SCAPER: variants seen among roughly 807,000 people sequenced by gnomAD.
The protein encoded by SCAPER is S-phase cyclin A associated protein in the ER.
A neutral mutation model predicts 182.2 loss-of-function variants in SCAPER; 98 were observed. The observed-to-expected ratio is 0.54, with a 90% CI of 0.46 to 0.64. The LOEUF (loss-of-function observed/expected upper bound fraction) is 0.64, where lower values mean the gene tolerates loss of function less well. Among genes scored for constraint, SCAPER ranks in the 30% least tolerant of loss-of-function variants. The pLI, the probability that SCAPER is intolerant of heterozygous loss-of-function variation, is 0.00. For synonymous variants in SCAPER, 605 were observed against 564.6 expected (o/e 1.07, Z -1.01); for missense variants, 1,432 against 1,690.0 (o/e 0.85, Z 2.68).
At chr15:76,865,034 A>G (rs2072166112) in intron 2 of SCAPER, among the ~76,000 whole-genome samples, 1 of 152,184 alleles carries the variant, frequency 6.6e-6, no homozygotes, top group South Asian at 2.1e-4. Flanking sequence ...TCACTATACT[A>G]TAACTAACAA....
At chr15:76,568,493 T>C (rs533772918) in intron 23 of SCAPER, among the ~76,000 whole-genome samples, 3 of 152,050 alleles carry the variant, frequency 2.0e-5, no homozygotes, top group African/African-American at 7.2e-5. Flanking sequence ...GTAGCTGTGA[T>C]TACAGGTGCC....
chr15:76,855,234 T>A (rs2066547863), intron 4 of SCAPER, among the ~76,000 whole-genome samples: 1 of 152,146 alleles, frequency 6.6e-6, no homozygotes, highest in South Asian at 2.1e-4. Context: ...TGCAGAAGAC[T>A]GAAACTAGTT....
chr15:76,713,221 C>T (rs537129664), intron 17 of SCAPER, among the ~76,000 whole-genome samples: 229 of 152,020 alleles, frequency 1.5e-3, no homozygotes, highest in African/African-American at 5.0e-3. Flanking sequence ...GTCAGTGTGG[C>T]GATTCCTCAG....
At chr15:76,366,110 C>T (rs906287885) in intron 29 of SCAPER, among the ~76,000 whole-genome samples, 1 of 110,734 alleles carries the variant, frequency 9.0e-6, no homozygotes, top group Non-Finnish European at 2.2e-5. Context: ...CACACACACA[C>T]ACACACACAC....
chr15:76,414,217 G>A (rs983404948), intron 26 of SCAPER, among the ~76,000 whole-genome samples: 3 of 152,088 alleles, frequency 2.0e-5, no homozygotes, highest in African/African-American at 7.2e-5. Flanking sequence ...GAGAGAGTTT[G>A]TGTATGATTG....
chr15:76,860,469 C>T (rs1302300379), intron 3 of SCAPER, among the ~76,000 whole-genome samples: 1 of 152,066 alleles, frequency 6.6e-6, no homozygotes, highest in Admixed American at 6.6e-5. Flanking sequence ...CAGGGGAAGA[C>T]AGGTCCAAGC....
In SCAPER at chr15:76,608,825, G is replaced by T. The variant is rs550891498; in HGVS notation, c.2711+12939C>A. On this transcript the variant is annotated intron_variant, in intron 22 of 31. Transcript: ENST00000563290. ...CGTTGGGGTAGGACCCTCTGAGCCA[G>T]GTGAGGGATATAATCTCCTGGTGTG... 8.5e-5 allele frequency among the ~76,000 whole-genome samples: 13 copies of T among 152,342 alleles called. No individual in the cohort carries two copies. The South Asian group carries it at 1.2e-3, about 15-fold the overall frequency.
intron 5 of SCAPER, among the ~76,000 whole-genome samples, chr15:76,823,953 C>T (rs1325616331): frequency 2.0e-5 from 3 of 151,532 alleles, no homozygotes; most frequent in Admixed American, 1.3e-4. Context: ...ATATAAGCCG[C>T]TATACTTCAG....
intron 5 of SCAPER, among the ~76,000 whole-genome samples, chr15:76,811,758 A>G (rs2066639763): frequency 6.6e-6 from 1 of 152,128 alleles, no homozygotes; most frequent in South Asian, 2.1e-4. Flanking sequence ...ATTGCACTCC[A>G]GCCTGGGCAA....
At chr15:76,489,014 C>T (rs115515125) in intron 24 of SCAPER, among the ~76,000 whole-genome samples, 1,700 of 150,930 alleles carry the variant, frequency 0.011, 40 homozygotes, top group African/African-American at 0.038. Flanking sequence ...TGAGCCACTG[C>T]GCCCAGCCAT....
chr15:76,586,261 AGATTGTTCTTTAGCATAATG>A (rs2048648520), intron 22 of SCAPER, among the ~76,000 whole-genome samples: 1 of 152,190 alleles, frequency 6.6e-6, no homozygotes, highest in Non-Finnish European at 1.5e-5. Context: ...TTAGGAACTA[AGATTGTTCTTTAGCATAATG>A]GATAGGAAGA....
At chr15:76,714,677 G>A (rs1490054109) in intron 17 of SCAPER, among the ~76,000 whole-genome samples, 1 of 152,046 alleles carries the variant, frequency 6.6e-6, no homozygotes, top group African/African-American at 2.4e-5. Context: ...TCATCAAGAT[G>A]TACACTTAGA....
intron 23 of SCAPER, among the ~76,000 whole-genome samples, chr15:76,565,672 T>C (rs1187128550): frequency 1.3e-5 from 2 of 152,126 alleles, no homozygotes; most frequent in Non-Finnish European, 2.9e-5. Context: ...CTTATGCCCC[T>C]TTCCAGTAAA....
intron 22 of SCAPER, among the ~76,000 whole-genome samples, chr15:76,616,474 G>T (rs879466863): frequency 6.6e-6 from 1 of 152,042 alleles, no homozygotes; most frequent in South Asian, 2.1e-4. Context: ...AGGAACAGGA[G>T]GTATGGGAAA....
At chr15:76,382,735 C>T (rs565529958) in intron 27 of SCAPER, among the ~76,000 whole-genome samples, 1 of 152,232 alleles carries the variant, frequency 6.6e-6, no homozygotes, top group South Asian at 2.1e-4. Context: ...GAGCATCACT[C>T]AGGGATGCCA....
At chr15:76,790,617 G>A (rs986399559) in intron 8 of SCAPER, among the ~76,000 whole-genome samples, 1 of 151,892 alleles carries the variant, frequency 6.6e-6, no homozygotes, top group Non-Finnish European at 1.5e-5. Flanking sequence ...AATATTTGTG[G>A]TATCTCTAGC....
chr15:76,584,369 A>G (rs2469242), intron 22 of SCAPER, among the ~76,000 whole-genome samples: 20,676 of 151,962 alleles, frequency 0.14, 1,473 homozygotes, highest in African/African-American at 0.18. Context: ...GAATGACTAC[A>G]GTCAACAATT....
At chr15:76,889,570 AAAG>A (rs2074052198) in intron 1 of SCAPER, among the ~76,000 whole-genome samples, 1 of 152,214 alleles carries the variant, frequency 6.6e-6, no homozygotes, top group Non-Finnish European at 1.5e-5. Flanking sequence ...CAAAAAAGAC[AAAG>A]AAGGCCATTA....
At chr15:76,588,543 C>G (rs147955621) in intron 22 of SCAPER, among the ~76,000 whole-genome samples, 1 of 152,118 alleles carries the variant, frequency 6.6e-6, no homozygotes, top group Non-Finnish European at 1.5e-5. Context: ...GAATTCTTAC[C>G]CATTCTGCAA....
Sources: gnomAD v4.1 joint callset for allele counts (sites outside exome capture counted in the v4.1 genomes callset) on GRCh38, gnomAD v4.1.1 for gene constraint, MANE v1.5 for transcripts, NCBI Gene and HGNC (gene_info 2026-07-23, HGNC 2026-07-21) for gene names.